CRYZL1: variants seen among roughly 807,000 people sequenced by gnomAD.
CRYZL1 encodes the protein ferry endosomal RAB5 effector complex subunit 4.
A neutral mutation model predicts 50.6 loss-of-function variants in CRYZL1; 34 were observed. That is an observed-to-expected ratio of 0.67 (90% CI 0.51 to 0.89). CRYZL1 has a LOEUF of 0.89. CRYZL1 is among the 40% of genes least tolerant of loss of function. The pLI is 0.00. For missense variants in CRYZL1, 354 were observed against 402.3 expected (o/e 0.88, Z 1.03); for synonymous variants, 125 against 134.3 (o/e 0.93, Z 0.48).
chr21:33,605,844 A>C (rs2086807881), intron 6 of CRYZL1, among the ~76,000 whole-genome samples: 1 of 151,834 alleles, frequency 6.6e-6, no homozygotes, highest in Admixed American at 6.6e-5. Flanking sequence ...TTCTCATTTT[A>C]CCTAAGATCA....
intron 1 of CRYZL1, among the ~76,000 whole-genome samples, chr21:33,638,539 A>G (rs1199744194): frequency 3.9e-5 from 6 of 152,212 alleles, no homozygotes; most frequent in Admixed American, 6.5e-5. Context: ...TAGTGAATGC[A>G]TGGTTATAAC....
In CRYZL1 at chr21:33,632,433, A is replaced by C. The variant is rs185870932; in HGVS notation, c.-6-876T>G. The stretch of plus-strand genomic sequence containing the variant: ...CGCCCTATTGCCCAGGCTGGAGTGT[A>C]GTGGCACGATCTTGGCTCACTGCAA... On this transcript the variant is annotated intron_variant, in intron 1 of 12. Coordinates refer to ENST00000381554, the MANE Select transcript of CRYZL1 (RefSeq NM_145858.3). Among the ~76,000 whole-genome samples the C allele has an allele frequency of 2.5e-3, 375 of 151,640 alleles. 2 individuals are homozygous for C. The highest frequency in any genetic ancestry group is 3.0e-3 in the Non-Finnish European group (207 of 67,930).
intron 9 of CRYZL1, 84 bp downstream of exon 9, chr21:33,599,066 T>G: frequency 8.1e-7 from 1 of 1,235,064 alleles, no homozygotes; most frequent in East Asian, 2.4e-5. Flanking sequence ...AGTGCATTAA[T>G]AATTATGCCC....
intron 5 of CRYZL1, among the ~76,000 whole-genome samples, chr21:33,616,050 T>C (rs1389943118): frequency 6.6e-6 from 1 of 152,124 alleles, no homozygotes; most frequent in Non-Finnish European, 1.5e-5. Context: ...CATCTAGCAT[T>C]AGGTATATCT....
chr21:33,622,126 T>C, intron 3 of CRYZL1, 58 bp from the exon 4 acceptor site: 1 of 1,327,260 alleles, frequency 7.5e-7, no homozygotes, highest in South Asian at 1.2e-5. Context: ...TGGACTCCAT[T>C]ATATATGAGG....
chr21:33,617,703 C>T (rs1029110690), intron 4 of CRYZL1, among the ~76,000 whole-genome samples: 5 of 152,072 alleles, frequency 3.3e-5, no homozygotes, highest in Non-Finnish European at 5.9e-5. Context: ...GTAATCAGAA[C>T]GGAACAGAAC....
At chr21:33,594,126 T>G (rs549170988) in intron 11 of CRYZL1, among the ~76,000 whole-genome samples, 50 of 151,944 alleles carry the variant, frequency 3.3e-4, no homozygotes, top group African/African-American at 9.2e-4. Flanking sequence ...TTATTCTTAA[T>G]AATTACAATG....
At chr21:33,632,218 G>A (rs545041913) in intron 1 of CRYZL1, among the ~76,000 whole-genome samples, 1 of 149,910 alleles carries the variant, frequency 6.7e-6, no homozygotes, top group East Asian at 2.0e-4. Context: ...TGTAATCCTA[G>A]CTACTCAAGA....
intron 8 of CRYZL1, 123 bp from the exon 9 acceptor site, chr21:33,599,371 A>G: frequency 7.7e-7 from 1 of 1,291,892 alleles, no homozygotes; most frequent in Non-Finnish European, 1.1e-6. Flanking sequence ...AGCAATTCAA[A>G]CAATTACTGA....
intron 5 of CRYZL1, among the ~76,000 whole-genome samples, chr21:33,616,039 T>TCATCTAG (rs1428233459): frequency 1.3e-5 from 2 of 152,118 alleles, no homozygotes; most frequent in Non-Finnish European, 2.9e-5. Context: ...CACTAACTCG[T>TCATCTAG]CATCTAGCAT....
At position 33,600,849 on chromosome 21, in the gene CRYZL1, C is replaced by G. The variant is rs962387739; in HGVS notation, c.577+1385G>C. ...TCACCATGTTAGCCAGTATGGTCTCCATCTCTGGACCTCATGATCTGCCCG... is the reference window on the plus strand; with the variant it reads ...TCACCATGTTAGCCAGTATGGTCTCGATCTCTGGACCTCATGATCTGCCCG... On this transcript the variant is annotated intron_variant, in intron 8 of 12. Transcript: ENST00000381554. Among the ~76,000 whole-genome samples, 4 of 149,774 alleles carry G rather than the reference C, an allele frequency of 2.7e-5. No individual in the cohort carries two copies. In the South Asian group the frequency reaches 8.5e-4, roughly 32 times the overall value.
At chr21:33,620,902 C>CTTTTTTTT (rs1217062963) in intron 4 of CRYZL1, among the ~76,000 whole-genome samples, 1 of 69,134 alleles carries the variant, frequency 1.4e-5, no homozygotes, top group African/African-American at 5.3e-5. Context: ...GGTGTCCAAT[C>CTTTTTTTT]TTTTTTTTTT....
At chr21:33,615,154 CT>C (rs10550201) in intron 5 of CRYZL1, among the ~76,000 whole-genome samples, 41,085 of 123,230 alleles carry the variant, frequency 0.33, 5,503 homozygotes, top group Admixed American at 0.4. Context: ...TTCTTTCTCT[CT>C]TTTTTTTTTT....
intron 12 of CRYZL1, 106 bp downstream of exon 12, chr21:33,591,056 G>A (rs979147154): frequency 3.8e-6 from 3 of 786,572 alleles, no homozygotes. Flanking sequence ...AAAATATGGA[G>A]GCAACAGGTA....
Position 33,628,904 on chromosome 21 carries a change from T to C in CRYZL1, c.66+2582A>G, listed in dbSNP as rs559603956. The stretch of plus-strand genomic sequence containing the variant: ...GATTATAGGCACCTGGCCTTTTAAT[T>C]TCTTTTTTAGATAGTTTGCTGTCGC... On this transcript the variant is annotated intron_variant, in intron 2 of 12. Coordinates refer to ENST00000381554, the MANE Select transcript of CRYZL1 (RefSeq NM_145858.3). Among the ~76,000 whole-genome samples, 7 of 152,020 alleles carry C rather than the reference T, an allele frequency of 4.6e-5. No individual in the cohort carries two copies. In the South Asian group the frequency reaches 1.5e-3, roughly 32 times the overall value.
intron 7 of CRYZL1, 173 bp downstream of exon 7, chr21:33,603,230 AC>A (rs1446551591): frequency 1.8e-5 from 12 of 667,778 alleles, no homozygotes. Context: ...ACTAAATCTA[AC>A]TTTGATCTTC....
chr21:33,609,133 T>A (rs1328172085), intron 6 of CRYZL1, among the ~76,000 whole-genome samples: 4 of 152,246 alleles, frequency 2.6e-5, no homozygotes, highest in Admixed American at 2.6e-4. Context: ...TGTCTTCTTT[T>A]GAGAAATGTC....
At chr21:33,624,603 G>T (rs2087038824) in intron 3 of CRYZL1, 80 bp downstream of exon 3, 1 of 1,549,284 alleles carries the variant, frequency 6.5e-7, no homozygotes, top group Non-Finnish European at 8.6e-7. Flanking sequence ...ACATTGAGAG[G>T]TCAGTTATCG....
intron 8 of CRYZL1, among the ~76,000 whole-genome samples, chr21:33,601,599 A>T (rs1304819334): frequency 6.6e-6 from 1 of 152,246 alleles, no homozygotes; most frequent in Non-Finnish European, 1.5e-5. Context: ...TTAAAAAAAA[A>T]TAATTAAAAT....
Sources: gnomAD v4.1 joint callset for allele counts (sites outside exome capture counted in the v4.1 genomes callset) on GRCh38, gnomAD v4.1.1 for gene constraint, MANE v1.5 for transcripts, NCBI Gene and HGNC (gene_info 2026-07-23, HGNC 2026-07-21) for gene names.